FRMPD4: variants seen among roughly 807,000 people sequenced by gnomAD.
FRMPD4 encodes the protein FERM and PDZ domain containing 4.
A neutral mutation model predicts 94.1 loss-of-function variants in FRMPD4; 22 were observed. The observed-to-expected ratio is 0.23, with a 90% CI of 0.17 to 0.33. The LOEUF (loss-of-function observed/expected upper bound fraction) is 0.33. FRMPD4 is among the 10% of genes least tolerant of loss of function. The probability of loss-of-function intolerance (pLI) is 1.00; values close to 1 mark genes in which losing one functional copy is unlikely to be tolerated. For missense variants in FRMPD4, 1,111 were observed against 1,339.9 expected (o/e 0.83, Z 2.67); for synonymous variants, 631 against 548.6 (o/e 1.15, Z -2.10).
At chrX:11,965,742 A>T (rs1157341267) in intron 3 of FRMPD4, among the ~76,000 whole-genome samples, 1 of 111,869 alleles carries the variant, frequency 8.9e-6, no homozygotes, top group Non-Finnish European at 1.9e-5. Flanking sequence ...CAGCATCTTA[A>T]ATTTAAAAAA....
intron 1 of FRMPD4, among the ~76,000 whole-genome samples, chrX:11,858,255 A>G (rs1421090730): frequency 8.9e-6 from 1 of 111,962 alleles, no homozygotes; most frequent in Admixed American, 9.5e-5. Flanking sequence ...ATGTACGTGT[A>G]TGCTCATTGC....
chrX:12,268,930 T>C (rs893805528), intron 1 of FRMPD4, among the ~76,000 whole-genome samples: 10 of 112,464 alleles, frequency 8.9e-5, no homozygotes, highest in African/African-American at 2.6e-4. Context: ...AGAATGATCA[T>C]TGAAAATGAA....
intron 2 of FRMPD4, among the ~76,000 whole-genome samples, chrX:12,596,195 T>A (rs2059029224): frequency 9.0e-6 from 1 of 111,421 alleles, no homozygotes; most frequent in Non-Finnish European, 1.9e-5. Flanking sequence ...CCAAGTGTGA[T>A]CCTGAATTCT....
At chrX:12,606,054 G>A (rs2059129766) in intron 2 of FRMPD4, among the ~76,000 whole-genome samples, 2 of 112,416 alleles carry the variant, frequency 1.8e-5, no homozygotes, top group Non-Finnish European at 3.8e-5. Flanking sequence ...GGAGAATTAA[G>A]TAAACTAGCA....
At chrX:12,217,873 G>A (rs1034138327) in intron 1 of FRMPD4, among the ~76,000 whole-genome samples, 1 of 112,040 alleles carries the variant, frequency 8.9e-6, no homozygotes, top group African/African-American at 3.2e-5. Context: ...GACCTAAAGT[G>A]TATGTTGCCA....
At chrX:12,546,311 G>A (rs1299518201) in intron 2 of FRMPD4, among the ~76,000 whole-genome samples, 2 of 110,384 alleles carry the variant, frequency 1.8e-5, no homozygotes, top group Non-Finnish European at 3.8e-5. Flanking sequence ...CCGAGTAGCT[G>A]AGATCACAGG....
rs779212542 is a variant in FRMPD4, at chrX:12,166,115, C to A, written c.41+27103C>A. Reference sequence around the variant, plus strand: ...GAATAGGAGTGGTGAGAGAGGGCATCCCTGTCTTGTGCCAGTTTTCAAAGG... The same window carrying A: ...GAATAGGAGTGGTGAGAGAGGGCATACCTGTCTTGTGCCAGTTTTCAAAGG... On this transcript the variant is annotated intron_variant, in intron 1 of 16. Transcript: ENST00000675598. Among the ~76,000 whole-genome samples the A allele has an allele frequency of 5.4e-4, 61 of 111,937 alleles. 1 individual carries two copies. The highest frequency in any genetic ancestry group is 1.9e-3 in the African/African-American group (60 of 30,830).
At chrX:11,893,590 G>A (rs181794105) in intron 3 of FRMPD4, among the ~76,000 whole-genome samples, 3 of 111,953 alleles carry the variant, frequency 2.7e-5, no homozygotes, top group South Asian at 3.7e-4. Context: ...TTATATGAAC[G>A]AGCACTTTAT....
At chrX:12,708,331 G>A (rs1020513048) in intron 13 of FRMPD4, among the ~76,000 whole-genome samples, 6 of 109,963 alleles carry the variant, frequency 5.5e-5, no homozygotes, top group Non-Finnish European at 7.6e-5. Context: ...TTAGCCGGGC[G>A]TGGTGGCGTG....
intron 1 of FRMPD4, among the ~76,000 whole-genome samples, chrX:12,330,108 A>G (rs1197517374): frequency 2.7e-5 from 3 of 111,371 alleles, no homozygotes; most frequent in African/African-American, 9.8e-5. Flanking sequence ...AGTACCTGGA[A>G]CTTAGTAAAT....
Position 12,704,360 on chromosome X carries a change from A to G in FRMPD4, c.1072A>G (p.Lys358Glu). The G allele has an allele frequency of 8.6e-7, 1 of 1,160,952 alleles. No individual in the cohort carries two copies. Among genetic ancestry groups the G allele is most frequent in the Non-Finnish European group, 1.2e-6 (1 of 866,612 alleles). ...TQKISLKYIE[K>E]EWGLETFLPS... ...TTAAAGATATGCTCTTTATTGCAGA[A>G]AAGAATGGGGATTAGAGACTTTTCT... is the stretch of plus-strand genomic sequence containing the variant. Residue 358 changes from lysine (K) to glutamate (E), a missense_variant and splice_region_variant, in exon 11 of 17, where the codon AAA (lysine) becomes GAA (glutamate). Lys to Glu is a moderately conservative substitution (Grantham distance 56). This residue lies in a region of FRMPD4 where 111 missense variants were observed against 160.7 expected (regional missense o/e 0.69). Coordinates refer to ENST00000675598, the MANE Select transcript of FRMPD4 (RefSeq NM_001368397.1).
At chrX:12,208,308 A>G (rs1601698637) in intron 1 of FRMPD4, among the ~76,000 whole-genome samples, 1 of 107,792 alleles carries the variant, frequency 9.3e-6, no homozygotes, top group South Asian at 3.9e-4. Context: ...ATAAAAAAGG[A>G]AAAAAAAAAG....
chrX:12,140,549 C>T (rs757176050), intron 1 of FRMPD4, among the ~76,000 whole-genome samples: 1 of 112,004 alleles, frequency 8.9e-6, no homozygotes, highest in East Asian at 2.8e-4. Context: ...TGGTACCCTC[C>T]GTGTGATGGA....
At chrX:12,048,440 A>G (rs11825272) in intron 3 of FRMPD4, among the ~76,000 whole-genome samples, 23 of 111,791 alleles carry the variant, frequency 2.1e-4, no homozygotes, top group Non-Finnish European at 3.4e-4. Flanking sequence ...TCTGTAGGTT[A>G]TCTGTTTATT....
At chrX:11,889,046 C>A (rs1368202984) in intron 3 of FRMPD4, among the ~76,000 whole-genome samples, 1 of 112,500 alleles carries the variant, frequency 8.9e-6, no homozygotes, top group East Asian at 2.8e-4. Context: ...TTACTGAGTA[C>A]CTTCTAGGCA....
intron 1 of FRMPD4, among the ~76,000 whole-genome samples, chrX:12,321,910 T>C (rs1469094512): frequency 1.8e-5 from 2 of 112,098 alleles, no homozygotes; most frequent in Non-Finnish European, 3.8e-5. Flanking sequence ...CACCATCTGT[T>C]ACTCAAGGCA....
intron 2 of FRMPD4, among the ~76,000 whole-genome samples, chrX:12,598,623 A>G (rs1453159782): frequency 9.0e-6 from 1 of 111,665 alleles, no homozygotes; most frequent in Non-Finnish European, 1.9e-5. Flanking sequence ...AAGGCTCAGA[A>G]CAAGAGAAAC....
intron 1 of FRMPD4, among the ~76,000 whole-genome samples, chrX:12,486,607 C>T (rs1482075037): frequency 8.9e-6 from 1 of 112,428 alleles, no homozygotes; most frequent in East Asian, 2.8e-4. Context: ...TAACTCTGTG[C>T]TCTTTGTAAA....
intron 1 of FRMPD4, among the ~76,000 whole-genome samples, chrX:11,840,111 T>C (rs763656721): frequency 3.6e-5 from 4 of 111,601 alleles, no homozygotes; most frequent in Non-Finnish European, 7.6e-5. Flanking sequence ...TAAAACAGTG[T>C]GATGAGATTT....
Sources: gnomAD v4.1 joint callset for allele counts (sites outside exome capture counted in the v4.1 genomes callset) on GRCh38, gnomAD v4.1.1 for gene constraint, gnomAD v4.1.1 regional missense constraint, MANE v1.5 for transcripts, NCBI Gene and HGNC (gene_info 2026-07-23, HGNC 2026-07-21) for gene names.